Variants in SIRT5 observed in about 807,000 individuals in gnomAD.
SIRT5 encodes the protein NAD-dependent protein deacylase sirtuin-5, mitochondrial.
A neutral mutation model predicts 40.0 loss-of-function variants in SIRT5; 26 were observed. The observed-to-expected ratio is 0.65, with a 90% CI of 0.48 to 0.90. The LOEUF (loss-of-function observed/expected upper bound fraction) is 0.90. SIRT5 is among the 40% of genes least tolerant of loss of function. SIRT5 has a pLI of 0.00. For synonymous variants in SIRT5, 146 were observed against 149.1 expected (o/e 0.98, Z 0.15); for missense variants, 401 against 402.4 (o/e 1.00, Z 0.03).
rs1759759047 is a variant in SIRT5 at position 13,584,224 on chromosome 6, A to T, written c.114A>T (p.Ser38=). 1 of 1,612,730 alleles carries T rather than the reference A, an allele frequency of 6.2e-7. No homozygotes were observed. Among genetic ancestry groups the T allele is most frequent in the South Asian group, 1.1e-5 (1 of 91,050 alleles). The change falls in exon 3 of 10, where the codon TCA becomes TCT. Residue 38 remains serine (S), a splice_region_variant and synonymous_variant. Transcript: ENST00000606117. ...GCCTGAAAATGGCTCGGCCAAGTTC[A>T]AGTAAGTCATTTTACCCATTGCCTC... ...QICLKMARPS[S]SMADFRKFFA...
At chr6:13,595,618 A>G in intron 6 of SIRT5, 54 bp downstream of exon 6, 1 of 1,276,844 alleles carries the variant, frequency 7.8e-7, no homozygotes, top group Non-Finnish European at 1.1e-6. Flanking sequence ...TTTAGGTTGA[A>G]CATAAATGTG....
At position 13,612,622 on chromosome 6, in the gene SIRT5, G is replaced by A. The variant is rs1246795708; in HGVS notation, c.*757G>A. 1 of 152,258 alleles carries A rather than the reference G, an allele frequency of 6.6e-6. No homozygotes were observed. Among genetic ancestry groups the A allele is most frequent in the Non-Finnish European group, 1.5e-5 (1 of 68,108 alleles). The allele number at this position is 152,258 out of a possible 1,614,324, so 9.4% of individuals were successfully genotyped here. Reference sequence around the variant, plus strand: ...CCCAAAGTGCTGAGATTACGGGCATGAGCCACCGCACCCGGCTTACTGGGG... The same window carrying A: ...CCCAAAGTGCTGAGATTACGGGCATAAGCCACCGCACCCGGCTTACTGGGG... On this transcript the variant is annotated 3_prime_UTR_variant, in exon 10 of 10. Transcript: ENST00000606117.
rs1041978523 is a variant in SIRT5, at chr6:13,607,323, T to C, written c.858-4467T>C. ...TTTTGATATTTGTCTGTTTTTTTTT[T>C]TTCTTTTAAAGGAGAGCAAGAACTT... On this transcript the variant is annotated intron_variant, in intron 9 of 9. Transcript: ENST00000606117. The surrounding 1 kb of genome is among the most constrained non-coding windows in gnomAD (Gnocchi z 4.0). 6.6e-6 allele frequency among the ~76,000 whole-genome samples: 1 copy of C among 152,068 alleles called. No individual in the cohort carries two copies. The highest frequency in any genetic ancestry group is 1.5e-5 in the Non-Finnish European group (1 of 67,988).
intron 4 of SIRT5, 70 bp downstream of exon 4, chr6:13,588,534 TA>T: frequency 6.6e-7 from 1 of 1,521,574 alleles, no homozygotes; most frequent in Admixed American, 2.3e-5. Flanking sequence ...ACTCAAATCC[TA>T]TACCGATCCC....
chr6:13,586,304 A>G (rs1450386774), intron 3 of SIRT5, among the ~76,000 whole-genome samples: 5 of 152,190 alleles, frequency 3.3e-5, no homozygotes, highest in Non-Finnish European at 7.3e-5. Flanking sequence ...TGTTTTAGTC[A>G]TGAAGTCCTT....
intron 3 of SIRT5, among the ~76,000 whole-genome samples, chr6:13,587,326 T>C (rs899686869): frequency 6.6e-6 from 1 of 152,132 alleles, no homozygotes; most frequent in African/African-American, 2.4e-5. Context: ...GCGCTTACCT[T>C]ACAAGGGCCT....
intron 1 of SIRT5, among the ~76,000 whole-genome samples, chr6:13,575,916 C>T (rs1384316368): frequency 6.6e-6 from 1 of 152,210 alleles, no homozygotes; most frequent in Admixed American, 6.5e-5. Context: ...GTTTGTCCTT[C>T]TGTGCCTGGC....
At chr6:13,589,805 G>A (rs1367696126) in intron 4 of SIRT5, among the ~76,000 whole-genome samples, 1 of 152,222 alleles carries the variant, frequency 6.6e-6, no homozygotes, top group Non-Finnish European at 1.5e-5. Context: ...AGGTCAGAGG[G>A]TGCGGGAGGA....
chr6:13,584,211 C>T lies in SIRT5; in HGVS notation c.101C>T (p.Ala34Val). 1 of 1,613,988 alleles carries T rather than the reference C, an allele frequency of 6.2e-7. No individual in the cohort carries two copies. Among genetic ancestry groups the T allele is most frequent in the Non-Finnish European group, 8.5e-7 (1 of 1,179,838 alleles). The change falls in exon 3 of 10, where the codon GCT becomes GTT. Residue 34 changes from alanine (A) to valine (V), a missense_variant. Physicochemically the swap from Ala to Val is moderately conservative, Grantham distance 64. Coordinates refer to ENST00000606117, the MANE Select transcript of SIRT5 (RefSeq NM_012241.5). ...CGAAACCAGATTTGCCTGAAAATGG[C>T]TCGGCCAAGTTCAAGTAAGTCATTT... ...STRNQICLKM[A>V]RPSSSMADFR... is the part of the protein sequence containing the mutation.
At chr6:13,596,454 C>T (rs1761580095) in intron 6 of SIRT5, among the ~76,000 whole-genome samples, 1 of 152,066 alleles carries the variant, frequency 6.6e-6, no homozygotes, top group Non-Finnish European at 1.5e-5. Context: ...GCCCTCCCCA[C>T]ACATGCATTC....
At chr6:13,603,256 G>A (rs574798669) in intron 9 of SIRT5, among the ~76,000 whole-genome samples, 37 of 128,440 alleles carry the variant, frequency 2.9e-4, no homozygotes, top group African/African-American at 8.1e-4. Flanking sequence ...CAGCCTGGGC[G>A]ACAGAGCCAG....
intron 9 of SIRT5, among the ~76,000 whole-genome samples, chr6:13,601,908 A>T (rs1003530767): frequency 1.3e-5 from 2 of 151,874 alleles, no homozygotes; most frequent in African/African-American, 2.4e-5. Flanking sequence ...CAAGTGAGTG[A>T]ACTGGCTCTG....
intron 9 of SIRT5, among the ~76,000 whole-genome samples, chr6:13,610,478 G>C (rs1305724886): frequency 6.6e-6 from 1 of 152,100 alleles, no homozygotes; most frequent in Admixed American, 6.5e-5. Flanking sequence ...TATTCCAGAC[G>C]TCCCTCTATT....
rs771631878 is a variant in SIRT5 at position 13,611,794 on chromosome 6, C to T, written c.862C>T (p.His288Tyr). Residue 288 changes from histidine to tyrosine, a missense_variant, in exon 10 of 10, where the codon CAT (histidine) becomes TAT (tyrosine). Coordinates refer to ENST00000606117, the MANE Select transcript of SIRT5 (RefSeq NM_012241.5). The part of the protein sequence containing the change: ...TTPATNRFRF[H>Y]FQGPCGTTLP... ...TATTTGCTTCTTCTCTTTCAGGTTT[C>T]ATTTCCAGGGACCCTGTGGAACGAC... The T allele has an allele frequency of 6.2e-7, 1 of 1,612,870 alleles. No homozygotes were observed. Among genetic ancestry groups the T allele is most frequent in the South Asian group, 1.1e-5 (1 of 91,024 alleles).
chr6:13,596,793 G>C (rs1409429882), intron 6 of SIRT5, among the ~76,000 whole-genome samples, 170 bp from the exon 7 acceptor site: 1 of 152,184 alleles, frequency 6.6e-6, no homozygotes, highest in African/African-American at 2.4e-5. Flanking sequence ...AGCACCACTG[G>C]TAATTAATGG....
chr6:13,604,905 A>G, intron 9 of SIRT5: 2 of 1,007,618 alleles, frequency 2.0e-6, no homozygotes, highest in African/African-American at 1.7e-5. Context: ...TTGGCAAGCT[A>G]CTTATCAACC....
intron 3 of SIRT5, 27 bp downstream of exon 3, chr6:13,584,252 C>A: frequency 6.6e-7 from 1 of 1,519,148 alleles, no homozygotes; most frequent in Non-Finnish European, 9.1e-7. Flanking sequence ...ATTGCCTCAC[C>A]TGCAGCCAAA....
At chr6:13,578,573 C>A (rs575422484) in intron 1 of SIRT5, among the ~76,000 whole-genome samples, 1 of 144,558 alleles carries the variant, frequency 6.9e-6, no homozygotes, top group Non-Finnish European at 1.5e-5. Flanking sequence ...GTGGAGACGG[C>A]GCCACTGCAC....
chr6:13,599,244 T>C, intron 8 of SIRT5, 89 bp downstream of exon 8: 2 of 1,418,034 alleles, frequency 1.4e-6, no homozygotes. Flanking sequence ...CTCCCTCCCT[T>C]GCTTCTTTCC....
Sources: allele counts gnomAD v4.1 joint callset (sites outside exome capture counted in the v4.1 genomes callset), GRCh38; gene constraint gnomAD v4.1.1; non-coding constraint Gnocchi (gnomAD v3.1); transcripts MANE v1.5; gene names NCBI Gene and HGNC (gene_info 2026-07-23, HGNC 2026-07-21).